Variants in AKAP9 observed in about 807,000 individuals in gnomAD.
AKAP9 encodes A-kinase anchor protein 9.
Under a neutral mutation model 488.5 loss-of-function variants are expected in AKAP9, and 311 were observed. The observed-to-expected ratio is 0.64, with a 90% CI of 0.58 to 0.70. The LOEUF is 0.70. Ranked by LOEUF, AKAP9 falls within the 30% of genes least tolerant of loss-of-function variation. The probability of loss-of-function intolerance (pLI) is 0.00; values close to 1 mark genes in which losing one functional copy is unlikely to be tolerated. For synonymous variants in AKAP9, 1,462 were observed against 1,483.5 expected (o/e 0.99, Z 0.33); for missense variants, 4,215 against 4,374.5 (o/e 0.96, Z 1.03).
intron 16 of AKAP9, among the ~76,000 whole-genome samples, chr7:92,035,406 G>A (rs755511683): frequency 2.0e-5 from 3 of 152,148 alleles, no homozygotes; most frequent in African/African-American, 7.2e-5. Context: ...CTTGAAAAGA[G>A]TATGTGTTTT....
At chr7:92,037,643 A>G (rs1275008153) in intron 16 of AKAP9, among the ~76,000 whole-genome samples, 1 of 152,216 alleles carries the variant, frequency 6.6e-6, no homozygotes, top group African/African-American at 2.4e-5. Context: ...TAGAATAAGC[A>G]GGGATTCAGG....
chr7:92,051,079 C>T (rs375449940), intron 21 of AKAP9, among the ~76,000 whole-genome samples: 3 of 152,076 alleles, frequency 2.0e-5, no homozygotes, highest in African/African-American at 7.2e-5. Flanking sequence ...TTACTCTTTC[C>T]ATTTGTTTAT....
intron 16 of AKAP9, among the ~76,000 whole-genome samples, chr7:92,034,838 A>G (rs957246992): frequency 6.6e-6 from 1 of 151,944 alleles, no homozygotes; most frequent in Non-Finnish European, 1.5e-5. Context: ...TGGCATCTGT[A>G]GTGTTATCCC....
Position 92,096,742 on chromosome 7 carries a change from A to T in AKAP9, c.9783A>T (p.Leu3261=). ...AACAAAGGAATCTTCAGCTAAATCT[A>T]CTTTTGGAACAACAGAAACAACTAC... is the stretch of plus-strand genomic sequence containing the variant. The part of the protein sequence containing the change: ...SQKQRNLQLN[L]LLEQQKQLLN... Residue 3261 remains leucine, a synonymous_variant, in exon 41 of 50, where the codon CTA becomes CTT. Transcript: ENST00000356239. 1 of 1,614,202 alleles carries T rather than the reference A, an allele frequency of 6.2e-7. No individual in the cohort carries two copies. Among genetic ancestry groups the T allele is most frequent in the South Asian group, 1.1e-5 (1 of 91,090 alleles).
At chr7:92,057,886 T>C (rs2130814109) in intron 22 of AKAP9, 1 of 229,796 alleles carries the variant, frequency 4.4e-6, no homozygotes, top group Non-Finnish European at 8.6e-6. Flanking sequence ...TTTATTTTTG[T>C]TTTTTGATTT....
chr7:92,029,877 T>G lies in AKAP9; in HGVS notation c.4149-18T>G, dbSNP rs1803936936. On this transcript the variant is annotated intron_variant, in intron 14 of 49. Transcript: ENST00000356239. ...CATATACAACTCTAATTCTTTAACC[T>G]TTTTTATTTATATTCAGCTTACCTG... The G allele has an allele frequency of 2.5e-6, 4 of 1,585,980 alleles. No individual in the cohort carries two copies. Among genetic ancestry groups the G allele is most frequent in the South Asian group, 2.2e-5 (2 of 90,484 alleles).
Position 92,089,369 on chromosome 7 carries a change from C to T in AKAP9, c.9214-16C>T. On this transcript the variant is annotated splice_polypyrimidine_tract_variant and intron_variant, in intron 37 of 49. Transcript: ENST00000356239. ...TACATTGCTCTTCACTTGTTTTTTA[C>T]CTTCCTTTGTTACAGGGTGTTGAAT... 1 of 1,610,946 alleles carries T rather than the reference C, an allele frequency of 6.2e-7. No homozygotes were observed. The highest frequency in any genetic ancestry group is 1.1e-5 in the South Asian group (1 of 90,924).
chr7:92,057,089 A>G (rs1186628395), intron 22 of AKAP9, among the ~76,000 whole-genome samples: 1 of 152,048 alleles, frequency 6.6e-6, no homozygotes, highest in African/African-American at 2.4e-5. Flanking sequence ...AGATACCTTA[A>G]GTGGTATAGT....
chr7:92,086,845 T>C (rs1814651617), intron 37 of AKAP9, among the ~76,000 whole-genome samples: 1 of 152,208 alleles, frequency 6.6e-6, no homozygotes, highest in South Asian at 2.1e-4. Context: ...TTATTTACTA[T>C]ATATTATTGA....
At chr7:92,021,151 T>C (rs1802265305) in intron 12 of AKAP9, among the ~76,000 whole-genome samples, 2 of 152,172 alleles carry the variant, frequency 1.3e-5, no homozygotes, top group African/African-American at 4.8e-5. Context: ...TTACCAGAAA[T>C]ATATGAGCCT....
chr7:91,974,597 C>T (rs372666941), intron 2 of AKAP9, among the ~76,000 whole-genome samples: 7 of 152,030 alleles, frequency 4.6e-5, no homozygotes, highest in South Asian at 2.1e-4. Context: ...CTTGCATTTC[C>T]GTATCAATTT....
At chr7:92,077,936 G>T in intron 30 of AKAP9, 61 bp downstream of exon 30, 1 of 1,221,566 alleles carries the variant, frequency 8.2e-7, no homozygotes, top group Non-Finnish European at 1.2e-6. Flanking sequence ...AGGGCAAAAT[G>T]GTTATAATGT....
At chr7:91,967,781 C>G (rs1187692434) in intron 1 of AKAP9, among the ~76,000 whole-genome samples, 1 of 152,028 alleles carries the variant, frequency 6.6e-6, no homozygotes, top group Non-Finnish European at 1.5e-5. Flanking sequence ...GTGTCCTTGT[C>G]TGGTTTTGGT....
In AKAP9 at chr7:92,102,170, A is replaced by ATAAAT. The variant is rs57401286; in HGVS notation, c.11098-424_11098-423insTAAAT. Among the ~76,000 whole-genome samples, 110 of 135,038 alleles carry ATAAAT rather than the reference A, an allele frequency of 8.1e-4. No homozygotes were observed. The East Asian group carries it at 0.017, about 21-fold the overall frequency. 88.6% of individuals were successfully genotyped at this position (135,038 alleles called of 152,430 possible). ...GACTCCGTCTCATAAATTTAAAAAAAAAATAAATAAATAAATAAATAAATA... is the reference window on the plus strand; with the variant it reads ...GACTCCGTCTCATAAATTTAAAAAAATAAATAAATAAATAAATAAATAAATAAATA... On this transcript the variant is annotated intron_variant, in intron 45 of 49. Transcript: ENST00000356239.
At position 92,085,525 on chromosome 7, in the gene AKAP9, A is replaced by G. The variant is rs1563117282; in HGVS notation, c.8863A>G (p.Met2955Val). ...ACTGAGAGCTGTCCATAATGAAGGC[A>G]TGCAGGTGCTTTCTCTCACTGAGTC... ...GLLRAVHNEGMQVLSLTESPY... is the reference protein window; with the variant it reads ...GLLRAVHNEGVQVLSLTESPY... Residue 2955 changes from methionine to valine, a missense_variant, in exon 36 of 50, where the codon ATG becomes GTG. Met to Val is a conservative substitution (Grantham distance 21). Transcript: ENST00000356239. 1.9e-6 allele frequency: 3 copies of G among 1,614,144 alleles called. No homozygotes were observed. The highest frequency in any genetic ancestry group is 1.3e-5 in the African/African-American group (1 of 75,056).
chr7:92,095,557 C>T (rs11977361), intron 40 of AKAP9, among the ~76,000 whole-genome samples: 2 of 152,180 alleles, frequency 1.3e-5, no homozygotes, highest in African/African-American at 4.8e-5. Flanking sequence ...TGCTTAAGAA[C>T]ATTTAAAGTG....
chr7:91,960,524 A>G (rs1584584977), intron 1 of AKAP9, among the ~76,000 whole-genome samples: 1 of 152,182 alleles, frequency 6.6e-6, no homozygotes, highest in Non-Finnish European at 1.5e-5. Context: ...TGGTTTCCAC[A>G]TTCTTTCAAC....
At position 92,031,564 on chromosome 7, in the gene AKAP9, A is replaced by G; in HGVS notation, c.4298A>G (p.Glu1433Gly). 6.2e-7 allele frequency: 1 copy of G among 1,612,808 alleles called. No individual in the cohort carries two copies. Among genetic ancestry groups the G allele is most frequent in the Non-Finnish European group, 8.5e-7 (1 of 1,179,216 alleles). Residue 1433 changes from glutamate to glycine, a missense_variant, in exon 16 of 50, where the codon GAA becomes GGA. Glu to Gly is a moderately conservative substitution (Grantham distance 98, BLOSUM62 -2). Around this residue, in one of 5 missense-constraint regions of AKAP9, gnomAD observed 2,361 missense variants for 2,430.0 expected, o/e 0.97. Transcript: ENST00000356239. ...GAAACAAATATCGTTAAGTTGCTTG[A>G]AAAACAATACCAAGAACAATTAGAA... ...KEETNIVKLL[E>G]KQYQEQLEEE...
Position 92,065,434 on chromosome 7 carries a change from CAGTT to C in AKAP9, c.6184_6187del (p.Leu2062LysfsTer3). 6.2e-7 allele frequency: 1 copy of C among 1,611,608 alleles called. No homozygotes were observed. ...ACAGCAAAACCAAGCATTGGAAAAGCAGTTAGAAAAAATGAGAAAATTTTTAGAT... is the reference window on the plus strand; with the variant it reads ...ACAGCAAAACCAAGCATTGGAAAAGCAGAAAAAATGAGAAAATTTTTAGAT... On this transcript the variant is annotated frameshift_variant, in exon 25 of 50. Coordinates refer to ENST00000356239, the MANE Select transcript of AKAP9 (RefSeq NM_005751.5). LOFTEE classifies it high-confidence loss of function.
Sources: gnomAD v4.1 joint callset for allele counts (sites outside exome capture counted in the v4.1 genomes callset) on GRCh38, gnomAD v4.1.1 for gene constraint, gnomAD v4.1.1 regional missense constraint, MANE v1.5 for transcripts, NCBI Gene and HGNC (gene_info 2026-07-23, HGNC 2026-07-21) for gene names.